TRIM61: variants seen among roughly 807,000 people sequenced by gnomAD.
The protein encoded by TRIM61 is putative tripartite motif-containing protein 61.
TRIM61 carries 1 observed loss-of-function variant against 14.2 expected under a neutral mutation model. The observed-to-expected ratio is 0.07, with a 90% CI of 0.03 to 0.33. The LOEUF (loss-of-function observed/expected upper bound fraction) is 0.33, where lower values mean the gene tolerates loss of function less well. Ranked by LOEUF, TRIM61 falls within the 10% of genes least tolerant of loss-of-function variation. TRIM61 has a pLI of 0.99. For synonymous variants in TRIM61, 8 were observed against 71.6 expected (o/e 0.11, Z 4.49); for missense variants, 19 against 202.2 (o/e 0.09, Z 5.49).
chr4:164,961,972 G>T (rs899705600), intron 3 of TRIM61, among the ~76,000 whole-genome samples: 1 of 152,074 alleles, frequency 6.6e-6, no homozygotes, highest in Non-Finnish European at 1.5e-5. Flanking sequence ...ATGCTTCTAG[G>T]CTATAAACCT....
At chr4:164,958,500 G>A (rs549071233) in intron 3 of TRIM61, 22 of 167,090 alleles carry the variant, frequency 1.3e-4, no homozygotes, top group African/African-American at 4.8e-4. Flanking sequence ...AAGCTATTTT[G>A]TATTATTTAG....
At chr4:164,959,997 A>G (rs755907557) in intron 3 of TRIM61, among the ~76,000 whole-genome samples, 8 of 152,196 alleles carry the variant, frequency 5.3e-5, no homozygotes, top group Non-Finnish European at 8.8e-5. Flanking sequence ...GTGGGCCTTA[A>G]TCCAGTATCA....
chr4:164,957,784 T>C (rs766687359), intron 3 of TRIM61: 1 of 296,978 alleles, frequency 3.4e-6, no homozygotes, highest in Non-Finnish European at 6.6e-6. Flanking sequence ...CCATATTTTC[T>C]TATTTAAAGC....
chr4:164,964,120 C>T lies in TRIM61; in HGVS notation c.525+5358G>A, dbSNP rs186452579. ...ATCTCAGCACTTTGGGAGGCCGAGG[C>T]GGGCTGATCACGAGGTCAGGAAATC... On this transcript the variant is annotated intron_variant, in intron 3 of 4. Transcript: ENST00000329314. 9.2e-5 allele frequency among the ~76,000 whole-genome samples: 14 copies of T among 151,758 alleles called. No homozygotes were observed. The East Asian group carries it at 9.7e-4, about 11-fold the overall frequency.
chr4:164,956,873 C>G (rs1050243061), intron 3 of TRIM61: 2 of 771,080 alleles, frequency 2.6e-6, no homozygotes, highest in African/African-American at 3.5e-5. Context: ...GCGTTTCTCC[C>G]AGGAGGCTGG....
chr4:164,968,853 C>T, intron 3 of TRIM61: 1 of 987,200 alleles, frequency 1.0e-6, no homozygotes, highest in Non-Finnish European at 1.2e-6. Context: ...CATAATCCAT[C>T]CTGTACTAAA....
At chr4:164,957,362 C>T in intron 3 of TRIM61, 1 of 1,614,012 alleles carries the variant, frequency 6.2e-7, no homozygotes. Flanking sequence ...ATTGCCAGGC[C>T]ACTCCAAGTC....
intron 3 of TRIM61, among the ~76,000 whole-genome samples, chr4:164,960,262 G>A (rs1342543713): frequency 6.6e-6 from 1 of 152,070 alleles, no homozygotes; most frequent in Non-Finnish European, 1.5e-5. Context: ...TTCCTGTTAT[G>A]GGCTGGACAC....
At chr4:164,972,704 G>C (rs190526085) in intron 2 of TRIM61, among the ~76,000 whole-genome samples, 95 of 152,304 alleles carry the variant, frequency 6.2e-4, no homozygotes, top group African/African-American at 2.0e-3. Context: ...GTCCAGGCTG[G>C]TCTTGAACTC....
chr4:164,975,534 C>T (rs903469397), intron 2 of TRIM61, among the ~76,000 whole-genome samples: 4 of 152,154 alleles, frequency 2.6e-5, no homozygotes, highest in Admixed American at 2.6e-4. Flanking sequence ...CTGGAGCTCA[C>T]AAAAACATGT....
At chr4:164,963,675 C>CAGGG (rs1732181328) in intron 3 of TRIM61, among the ~76,000 whole-genome samples, 1 of 149,510 alleles carries the variant, frequency 6.7e-6, no homozygotes, top group African/African-American at 2.5e-5. Context: ...ACCCAGTAGG[C>CAGGG]AGGGGTTGTA....
intron 3 of TRIM61, among the ~76,000 whole-genome samples, chr4:164,960,811 C>A (rs938833099): frequency 6.6e-6 from 1 of 151,752 alleles, no homozygotes; most frequent in Non-Finnish European, 1.5e-5. Context: ...ATTAGCTGGG[C>A]GTGGTGACAC....
chr4:164,960,311 G>A (rs1457798455), intron 3 of TRIM61, among the ~76,000 whole-genome samples: 1 of 152,040 alleles, frequency 6.6e-6, no homozygotes, highest in Admixed American at 6.6e-5. Flanking sequence ...TTTCGAGGCC[G>A]AGGCGGGTGG....
In TRIM61 at chr4:164,957,101, T is replaced by C. The variant is rs902672372; in HGVS notation, c.526-2005A>G. On this transcript the variant is annotated intron_variant, in intron 3 of 4. Transcript: ENST00000329314. ...CGCCTGGAGAGCCAGCCCTGCAGGGTGGGCTGGGCGAGCCAAACTGCGTTC... is the reference window on the plus strand; with the variant it reads ...CGCCTGGAGAGCCAGCCCTGCAGGGCGGGCTGGGCGAGCCAAACTGCGTTC... 1.9e-6 allele frequency: 3 copies of C among 1,570,270 alleles called. No individual in the cohort carries two copies. In the African/African-American group the frequency reaches 4.1e-5, roughly 21 times the overall value.
intron 3 of TRIM61, chr4:164,956,981 G>A: frequency 6.9e-6 from 10 of 1,450,480 alleles, no homozygotes; most frequent in South Asian, 1.5e-5. Context: ...TGAAGGTGTG[G>A]CGCGACGTTG....
At chr4:164,960,415 C>A (rs1732107532) in intron 3 of TRIM61, among the ~76,000 whole-genome samples, 1 of 151,878 alleles carries the variant, frequency 6.6e-6, no homozygotes, top group Non-Finnish European at 1.5e-5. Context: ...AATAGGTAGG[C>A]ATGGTGGCAG....
intron 2 of TRIM61, among the ~76,000 whole-genome samples, chr4:164,971,026 G>A (rs770279185): frequency 2.0e-5 from 3 of 152,052 alleles, no homozygotes; most frequent in African/African-American, 7.2e-5. Flanking sequence ...ACTGGAACCC[G>A]GGAGGCAGAT....
intron 3 of TRIM61, chr4:164,957,232 A>G (rs774121158): frequency 6.2e-7 from 1 of 1,604,316 alleles, no homozygotes; most frequent in East Asian, 2.2e-5. Context: ...CATTCGTCCA[A>G]CAGCGGTCGC....
At chr4:164,957,008 C>CA (rs1732008006) in intron 3 of TRIM61, 1 of 1,479,994 alleles carries the variant, frequency 6.8e-7, no homozygotes, top group African/African-American at 1.4e-5. Flanking sequence ...GGGGCAGCGC[C>CA]ATGTACCACA....
Sources: gnomAD v4.1 joint callset for allele counts (sites outside exome capture counted in the v4.1 genomes callset) on GRCh38, gnomAD v4.1.1 for gene constraint, MANE v1.5 for transcripts, NCBI Gene and HGNC (gene_info 2026-07-23, HGNC 2026-07-21) for gene names.